Variants in CHST11 observed in about 807,000 individuals in gnomAD.
CHST11 encodes carbohydrate sulfotransferase 11.
In CHST11, 9 loss-of-function variants were observed where a neutral mutation model predicts 30.4. That is an observed-to-expected ratio of 0.30 (90% CI 0.18 to 0.52). The LOEUF (loss-of-function observed/expected upper bound fraction) is 0.52, where lower values mean the gene tolerates loss of function less well. CHST11 is among the 20% of genes least tolerant of loss of function. CHST11 has a pLI of 0.97. For missense variants in CHST11, 348 were observed against 460.6 expected (o/e 0.76, Z 2.24); for synonymous variants, 152 against 187.8 (o/e 0.81, Z 1.56).
chr12:104,489,698 T>C (rs2374397), intron 1 of CHST11, among the ~76,000 whole-genome samples: 54,615 of 150,852 alleles, frequency 0.36, 10,026 homozygotes, highest in East Asian at 0.5. Context: ...CTCTTGACTT[T>C]GTGATCTACC....
intron 1 of CHST11, among the ~76,000 whole-genome samples, chr12:104,493,355 A>G (rs988671248): frequency 2.6e-5 from 4 of 152,202 alleles, no homozygotes; most frequent in Non-Finnish European, 4.4e-5. Context: ...TTGCCCTGGA[A>G]CCAGGTAGGC....
At chr12:104,491,009 G>T (rs1214866840) in intron 1 of CHST11, among the ~76,000 whole-genome samples, 2 of 144,924 alleles carry the variant, frequency 1.4e-5, no homozygotes, top group Non-Finnish European at 3.1e-5. Flanking sequence ...GGGTGGCAGG[G>T]GAGGTCTCTG....
At chr12:104,494,248 A>G (rs1179634445) in intron 1 of CHST11, among the ~76,000 whole-genome samples, 1 of 152,192 alleles carries the variant, frequency 6.6e-6, no homozygotes, top group Non-Finnish European at 1.5e-5. Context: ...CGTGCCGATG[A>G]GAGACAGAGC....
At chr12:104,500,546 T>G (rs530708554) in intron 1 of CHST11, among the ~76,000 whole-genome samples, 1 of 152,010 alleles carries the variant, frequency 6.6e-6, no homozygotes, top group Non-Finnish European at 1.5e-5. Flanking sequence ...GGTATTTCTC[T>G]GTGAAATGAG....
intron 2 of CHST11, among the ~76,000 whole-genome samples, chr12:104,624,994 T>A (rs1227501695): frequency 6.6e-6 from 1 of 152,222 alleles, no homozygotes; most frequent in Non-Finnish European, 1.5e-5. Flanking sequence ...TAACCCTAAT[T>A]ACCTCTTCAA....
intron 1 of CHST11, among the ~76,000 whole-genome samples, chr12:104,498,393 C>G (rs985817634): frequency 3.9e-5 from 6 of 152,108 alleles, no homozygotes; most frequent in Admixed American, 2.0e-4. Flanking sequence ...ATTTTAAAGG[C>G]TTTATTGCCA....
chr12:104,633,469 C>T (rs1404903692), intron 2 of CHST11, among the ~76,000 whole-genome samples: 1 of 121,456 alleles, frequency 8.2e-6, no homozygotes. Flanking sequence ...GGCTGAAGTT[C>T]AGTCGCGTGA....
chr12:104,601,892 CT>C lies in CHST11; in HGVS notation c.119-11del. The stretch of plus-strand genomic sequence containing the variant: ...GTTGCTCATTTCTGATGAGCCTTCA[CT>C]TTCTTTCCTCAGTCATGCGGAGGAA... On this transcript the variant is annotated splice_polypyrimidine_tract_variant and intron_variant, in intron 1 of 2. Coordinates refer to ENST00000303694, the MANE Select transcript of CHST11 (RefSeq NM_018413.6). The C allele has an allele frequency of 2.5e-6, 4 of 1,606,722 alleles. No homozygotes were observed. The highest frequency in any genetic ancestry group is 3.4e-6 in the Non-Finnish European group (4 of 1,175,300).
rs1022477477 is a variant in CHST11, at chr12:104,515,875, A to C, written c.118+58346A>C. Among the ~76,000 whole-genome samples the C allele has an allele frequency of 1.2e-4, 19 of 152,230 alleles. 2 individuals are homozygous for C. Among genetic ancestry groups the C allele is most frequent in the Admixed American group, 1.2e-3 (19 of 15,290 alleles). On this transcript the variant is annotated intron_variant, in intron 1 of 2. Transcript: ENST00000303694. ...AGCAAGTTCAAAAGCCTTGGGGTGC[A>C]AGCATTGGAGATGGTCAAAGGAGAG...
At chr12:104,501,482 T>C (rs1330070424) in intron 1 of CHST11, among the ~76,000 whole-genome samples, 1 of 152,206 alleles carries the variant, frequency 6.6e-6, no homozygotes, top group Non-Finnish European at 1.5e-5. Context: ...TGGCCTAGCA[T>C]TTGGTGGTCA....
chr12:104,577,453 A>G (rs2038696156), intron 1 of CHST11, among the ~76,000 whole-genome samples: 1 of 152,004 alleles, frequency 6.6e-6, no homozygotes, highest in South Asian at 2.1e-4. Context: ...CTTTCAGATG[A>G]CAGTGGGGTG....
intron 2 of CHST11, among the ~76,000 whole-genome samples, chr12:104,741,666 T>C (rs936796881): frequency 6.6e-6 from 1 of 152,178 alleles, no homozygotes; most frequent in African/African-American, 2.4e-5. Context: ...CGGTCTTCTG[T>C]GTCAGTGAGA....
intron 1 of CHST11, among the ~76,000 whole-genome samples, chr12:104,581,624 G>C (rs184151743): frequency 1.3e-5 from 2 of 152,242 alleles, no homozygotes; most frequent in Non-Finnish European, 2.9e-5. Flanking sequence ...AGGAGGGTGG[G>C]GAGGGTCTTT....
rs184769252 is a variant in CHST11 at position 104,458,669 on chromosome 12, G to A, written c.118+1140G>A. On this transcript the variant is annotated intron_variant, in intron 1 of 2. Coordinates refer to ENST00000303694, the MANE Select transcript of CHST11 (RefSeq NM_018413.6). The surrounding 1 kb of genome is among the most constrained non-coding windows in gnomAD (Gnocchi z 5.7). Reference sequence around the variant, plus strand: ...CCTTAGCAGCCCCCTGCCGGGCCACGTTGGCTCAGAAATCCATTTTCTACG... The same window carrying A: ...CCTTAGCAGCCCCCTGCCGGGCCACATTGGCTCAGAAATCCATTTTCTACG... 0.011 allele frequency among the ~76,000 whole-genome samples: 1,719 copies of A among 152,322 alleles called. 29 individuals are homozygous for A. Among genetic ancestry groups the A allele is most frequent in the African/African-American group, 0.036 (1,494 of 41,588 alleles).
At chr12:104,736,344 A>G (rs1390946466) in intron 2 of CHST11, among the ~76,000 whole-genome samples, 1 of 152,126 alleles carries the variant, frequency 6.6e-6, no homozygotes, top group Non-Finnish European at 1.5e-5. Context: ...AGAAGAGAGA[A>G]GGAAGGTTGG....
Position 104,565,258 on chromosome 12 carries a change from A to ATTT in CHST11, c.119-36625_119-36623dup, listed in dbSNP as rs66825272. On this transcript the variant is annotated intron_variant, in intron 1 of 2. Coordinates refer to ENST00000303694, the MANE Select transcript of CHST11 (RefSeq NM_018413.6). ...CTGGGCAGCCTCCATGTTTTCTAGGATTTTTTTTTTTTTTTTTTTTTTTTT... is the reference window on the plus strand; with the variant it reads ...CTGGGCAGCCTCCATGTTTTCTAGGATTTTTTTTTTTTTTTTTTTTTTTTTTTT... 2.3e-3 allele frequency among the ~76,000 whole-genome samples: 171 copies of ATTT among 72,908 alleles called. 4 individuals carry two copies. Among genetic ancestry groups the ATTT allele is most frequent in the East Asian group, 0.017 (42 of 2,416 alleles). 47.8% of individuals were successfully genotyped at this position (72,908 alleles called of 152,430 possible). A position where few individuals can be genotyped will look rare whatever the true frequency, so the allele number is the denominator to read the frequency against.
Position 104,760,692 on chromosome 12 carries a change from T to C in CHST11, c.*2889T>C, listed in dbSNP as rs533378353. Reference sequence around the variant, plus strand: ...GCTTCTCTCTCTTAAGTGAGAAAGATTGTCCTTCAGGGGACATGACATCAA... The same window carrying C: ...GCTTCTCTCTCTTAAGTGAGAAAGACTGTCCTTCAGGGGACATGACATCAA... On this transcript the variant is annotated 3_prime_UTR_variant, in exon 3 of 3. Coordinates refer to ENST00000303694, the MANE Select transcript of CHST11 (RefSeq NM_018413.6). The C allele has an allele frequency of 6.6e-6, 1 of 152,370 alleles. No individual in the cohort carries two copies. The highest frequency in any genetic ancestry group is 1.5e-5 in the Non-Finnish European group (1 of 68,032). 9.4% of individuals were successfully genotyped at this position (152,370 alleles called of 1,614,324 possible).
intron 1 of CHST11, among the ~76,000 whole-genome samples, chr12:104,579,277 G>A (rs935746537): frequency 2.6e-5 from 4 of 152,184 alleles, no homozygotes; most frequent in African/African-American, 9.7e-5. Context: ...GTTGTGTAGA[G>A]GGAATAAGAC....
At chr12:104,598,657 G>A (rs1209832458) in intron 1 of CHST11, among the ~76,000 whole-genome samples, 1 of 152,190 alleles carries the variant, frequency 6.6e-6, no homozygotes, top group African/African-American at 2.4e-5. Flanking sequence ...AGTGAGTAGG[G>A]CACACGTTGA....
Sources: allele counts gnomAD v4.1 joint callset (sites outside exome capture counted in the v4.1 genomes callset), GRCh38; gene constraint gnomAD v4.1.1; non-coding constraint Gnocchi (gnomAD v3.1); transcripts MANE v1.5; gene names NCBI Gene and HGNC (gene_info 2026-07-23, HGNC 2026-07-21).